Variants in LRRK1 observed in about 807,000 individuals in gnomAD.
LRRK1 encodes the protein leucine rich repeat kinase 1.
A neutral mutation model predicts 209.1 loss-of-function variants in LRRK1; 113 were observed. The ratio of observed to expected loss-of-function variants is 0.54; its 90% CI spans 0.46 to 0.63. The LOEUF (loss-of-function observed/expected upper bound fraction) is 0.63, where lower values mean the gene tolerates loss of function less well. Ranked by LOEUF, LRRK1 falls within the 30% of genes least tolerant of loss-of-function variation. LRRK1 has a pLI of 0.00. For missense variants in LRRK1, 2,284 were observed against 2,632.2 expected (o/e 0.87, Z 2.89); for synonymous variants, 1,144 against 1,099.7 (o/e 1.04, Z -0.80).
intron 2 of LRRK1, among the ~76,000 whole-genome samples, chr15:100,956,061 C>T (rs1248389553): frequency 1.3e-5 from 2 of 152,144 alleles, no homozygotes; most frequent in Non-Finnish European, 2.9e-5. Context: ...GAAGGACTGG[C>T]ATTCACTCTT....
chr15:100,983,406 C>T, intron 3 of LRRK1, 122 bp from the exon 4 acceptor site: 1 of 844,102 alleles, frequency 1.2e-6, no homozygotes, highest in Non-Finnish European at 1.8e-6. Flanking sequence ...TTGGCAGGTG[C>T]TGCCGTTCTG....
chr15:101,007,093 T>C (rs1419142744), intron 6 of LRRK1, among the ~76,000 whole-genome samples: 2 of 152,180 alleles, frequency 1.3e-5, no homozygotes, highest in Admixed American at 6.5e-5. Flanking sequence ...GCCCAGTCTT[T>C]CCAAACTCCT....
intron 13 of LRRK1, 24 bp downstream of exon 13, chr15:101,021,206 G>C: frequency 6.2e-7 from 1 of 1,613,102 alleles, no homozygotes; most frequent in Non-Finnish European, 8.5e-7. Flanking sequence ...TGGAGGGGCC[G>C]TGCTGGCTCT....
chr15:100,980,736 A>G (rs577902036), intron 3 of LRRK1, among the ~76,000 whole-genome samples: 1 of 152,292 alleles, frequency 6.6e-6, no homozygotes, highest in South Asian at 2.1e-4. Context: ...TTCCACTTTT[A>G]CAGCACTTAA....
In LRRK1 at chr15:101,022,315, AT is replaced by A; in HGVS notation, c.1853-64del. ...AAAGAAGGAGTTCCTTCACAACAGG[AT>A]TTTGTGTCCTAAGAGATGTGAGCAT... is the stretch of plus-strand genomic sequence containing the variant. On this transcript the variant is annotated intron_variant, in intron 14 of 33. Coordinates refer to ENST00000388948, the MANE Select transcript of LRRK1 (RefSeq NM_024652.6). This position sits in a 1 kb window ranked among gnomAD's most constrained non-coding sequence, Gnocchi z 4.0. The A allele has an allele frequency of 6.9e-7, 1 of 1,447,328 alleles. No homozygotes were observed. The highest frequency in any genetic ancestry group is 9.7e-7 in the Non-Finnish European group (1 of 1,034,012). The allele number at this position is 1,447,328 out of a possible 1,614,324, so 89.7% of individuals were successfully genotyped here. A position where few individuals can be genotyped will look rare whatever the true frequency, so the allele number is the denominator to read the frequency against.
chr15:101,025,845 T>A (rs569140559), intron 16 of LRRK1, 120 bp from the exon 17 acceptor site: 1 of 987,236 alleles, frequency 1.0e-6, no homozygotes, highest in East Asian at 2.4e-5. Flanking sequence ...AGGCTGCAGA[T>A]TGGTGGCTGA....
At chr15:100,978,140 CA>C (rs2031400343) in intron 3 of LRRK1, among the ~76,000 whole-genome samples, 1 of 151,346 alleles carries the variant, frequency 6.6e-6, no homozygotes, top group Non-Finnish European at 1.5e-5. Flanking sequence ...GAAGAGAGGA[CA>C]GGGGAAAGAA....
chr15:100,940,301 C>T (rs1241502455), intron 2 of LRRK1, among the ~76,000 whole-genome samples: 1 of 152,004 alleles, frequency 6.6e-6, no homozygotes, highest in Admixed American at 6.6e-5. Flanking sequence ...ATTTACTCTT[C>T]TTGACTAGTA....
At chr15:101,054,851 G>A (rs1270181036) in intron 26 of LRRK1, 95 bp from the exon 27 acceptor site, 10 of 1,073,646 alleles carry the variant, frequency 9.3e-6, no homozygotes, top group Non-Finnish European at 1.4e-5. Flanking sequence ...AGTATCTAGG[G>A]AGATCGGAAG....
At chr15:100,922,241 G>A (rs1387170140) in intron 1 of LRRK1, among the ~76,000 whole-genome samples, 3 of 152,202 alleles carry the variant, frequency 2.0e-5, no homozygotes, top group Non-Finnish European at 4.4e-5. Flanking sequence ...AGATCCGTTT[G>A]AGGGCAAAGA....
At chr15:100,985,740 G>C (rs998946435) in intron 4 of LRRK1, among the ~76,000 whole-genome samples, 4 of 152,264 alleles carry the variant, frequency 2.6e-5, no homozygotes, top group Non-Finnish European at 5.9e-5. Flanking sequence ...TCAACTCTGA[G>C]CAAAGCTGCT....
chr15:101,068,899 G>C lies in LRRK1; in HGVS notation c.*51G>C. The stretch of plus-strand genomic sequence containing the variant: ...CAGAGCTGGCTGGCCCGGGGCTGCA[G>C]CCTGACCCCTCTGCCATCGGCCTCT... On this transcript the variant is annotated 3_prime_UTR_variant, in exon 34 of 34. Transcript: ENST00000388948. 6.6e-7 allele frequency: 1 copy of C among 1,508,342 alleles called. No homozygotes were observed. 93.4% of individuals were successfully genotyped at this position (1,508,342 alleles called of 1,614,324 possible). A position where few individuals can be genotyped will look rare whatever the true frequency, so the allele number is the denominator to read the frequency against.
At position 101,021,051 on chromosome 15, in the gene LRRK1, A is replaced by G; in HGVS notation, c.1610-2A>G. 1 of 1,614,116 alleles carries G rather than the reference A, an allele frequency of 6.2e-7. No individual in the cohort carries two copies. Among genetic ancestry groups the G allele is most frequent in the Non-Finnish European group, 8.5e-7 (1 of 1,179,964 alleles). On this transcript the variant is annotated splice_acceptor_variant, in intron 12 of 33. Coordinates refer to ENST00000388948, the MANE Select transcript of LRRK1 (RefSeq NM_024652.6). LOFTEE classifies it high-confidence loss of function. Reference sequence around the variant, plus strand: ...GCAGTCTGCTTTGCCATGTCTTTGCAGCAAGTGTGCTGGAATTTCCGGCCT... The same window carrying G: ...GCAGTCTGCTTTGCCATGTCTTTGCGGCAAGTGTGCTGGAATTTCCGGCCT...
intron 31 of LRRK1, among the ~76,000 whole-genome samples, chr15:101,063,608 C>T (rs180924058): frequency 1.8e-4 from 27 of 152,308 alleles, no homozygotes; most frequent in African/African-American, 6.5e-4. Context: ...CACAAGAAGC[C>T]TTTACTGGTG....
chr15:100,945,506 T>C (rs1262609775), intron 2 of LRRK1, among the ~76,000 whole-genome samples: 2 of 123,668 alleles, frequency 1.6e-5, no homozygotes, highest in African/African-American at 6.0e-5. Context: ...TTTTTTTTTT[T>C]TTTTTTTGAC....
chr15:101,068,956 T>A lies in LRRK1; in HGVS notation c.*108T>A. 8.8e-7 allele frequency: 1 copy of A among 1,141,252 alleles called. No individual in the cohort carries two copies. Among genetic ancestry groups the A allele is most frequent in the Non-Finnish European group, 1.2e-6 (1 of 822,948 alleles). 70.7% of individuals were successfully genotyped at this position (1,141,252 alleles called of 1,614,324 possible). ...CCAAGGACCTAGAAGACAGATGGAGTTCTCCCCTGAACTCCTTGCTGCTAA... is the reference window on the plus strand; with the variant it reads ...CCAAGGACCTAGAAGACAGATGGAGATCTCCCCTGAACTCCTTGCTGCTAA... On this transcript the variant is annotated 3_prime_UTR_variant, in exon 34 of 34. Coordinates refer to ENST00000388948, the MANE Select transcript of LRRK1 (RefSeq NM_024652.6).
At chr15:100,935,336 G>A (rs1470584786) in intron 2 of LRRK1, among the ~76,000 whole-genome samples, 1 of 152,208 alleles carries the variant, frequency 6.6e-6, no homozygotes, top group East Asian at 1.9e-4. Context: ...AATCAGGTCA[G>A]TCCTGTAAAG....
chr15:100,989,411 T>C lies in LRRK1; in HGVS notation c.762+13T>C. On this transcript the variant is annotated intron_variant, in intron 6 of 33. Transcript: ENST00000388948. ...TCCGGGAAAAACAGTGAGTAGTCAC[T>C]GCCTGTGGAGTGTGTTTTAGTTCCT... 12 of 1,613,816 alleles carry C rather than the reference T, an allele frequency of 7.4e-6. No homozygotes were observed. The highest frequency in any genetic ancestry group is 9.3e-6 in the Non-Finnish European group (11 of 1,179,884).
At chr15:101,042,426 CCTCCT>C in intron 20 of LRRK1, among the ~76,000 whole-genome samples, 2 of 152,296 alleles carry the variant, frequency 1.3e-5, no homozygotes, top group South Asian at 4.2e-4. Flanking sequence ...CCCCATGCCA[CCTCCT>C]CTCATGTGAT....
Sources: gnomAD v4.1 joint callset for allele counts (sites outside exome capture counted in the v4.1 genomes callset) on GRCh38, gnomAD v4.1.1 for gene constraint, Gnocchi (gnomAD v3.1) non-coding constraint, MANE v1.5 for transcripts, NCBI Gene and HGNC (gene_info 2026-07-23, HGNC 2026-07-21) for gene names.